The following ADAM32 variants were observed in gnomAD, a reference collection of about 807,000 sequenced individuals.
ADAM32 encodes the protein disintegrin and metalloproteinase domain-containing protein 32.
Under a neutral mutation model 114.9 loss-of-function variants are expected in ADAM32, and 89 were observed. The observed-to-expected ratio is 0.77, with a 90% CI of 0.65 to 0.92. ADAM32 has a LOEUF of 0.92. Among genes scored for constraint, ADAM32 ranks in the 40% least tolerant of loss-of-function variants. The pLI is 0.00. For missense variants in ADAM32, 870 were observed against 932.8 expected (o/e 0.93, Z 0.88); for synonymous variants, 285 against 307.5 (o/e 0.93, Z 0.77).
Position 39,140,553 on chromosome 8 carries a change from G to A in ADAM32, c.200+3835G>A, listed in dbSNP as rs187608911. On this transcript the variant is annotated intron_variant, in intron 3 of 24. Transcript: ENST00000379907. ...TTTGATGTGCTGCTGGATTCAGTTT[G>A]CCAGTATTTTATTGAGGATTTTCGC... is the stretch of plus-strand genomic sequence containing the variant. 7.6e-4 allele frequency among the ~76,000 whole-genome samples: 115 copies of A among 152,288 alleles called. 1 individual carries two copies. Among genetic ancestry groups the A allele is most frequent in the African/African-American group, 2.7e-3 (113 of 41,562 alleles).
rs1448713317 is a variant in ADAM32, at chr8:39,169,558, T to C, written c.834-358T>C. ...TGAACTTTACTACCTGGGAGCAACA[T>C]ATTTTAATCTATACATTGAAACGAT... On this transcript the variant is annotated intron_variant, in intron 9 of 24. Coordinates refer to ENST00000379907, the MANE Select transcript of ADAM32 (RefSeq NM_145004.7). The C allele has an allele frequency of 1.2e-5, 2 of 161,042 alleles. 1 individual carries two copies. The highest frequency in any genetic ancestry group is 2.7e-5 in the Non-Finnish European group (2 of 73,942). 10.0% of individuals were successfully genotyped at this position (161,042 alleles called of 1,614,324 possible).
chr8:39,236,594 C>T (rs114634444), intron 16 of ADAM32, among the ~76,000 whole-genome samples: 1 of 152,084 alleles, frequency 6.6e-6, no homozygotes, highest in African/African-American at 2.4e-5. Context: ...CCCCACAAAA[C>T]CTGTACCACT....
intron 10 of ADAM32, among the ~76,000 whole-genome samples, 174 bp downstream of exon 10, chr8:39,170,171 CTT>C (rs1805104269): frequency 6.6e-6 from 1 of 151,942 alleles, no homozygotes; most frequent in African/African-American, 2.4e-5. Flanking sequence ...AGATCAATAT[CTT>C]GTTGCAATTA....
intron 11 of ADAM32, among the ~76,000 whole-genome samples, chr8:39,188,602 T>G (rs1806403898): frequency 6.6e-6 from 1 of 152,154 alleles, no homozygotes; most frequent in Admixed American, 6.5e-5. Flanking sequence ...ATATATTAAC[T>G]TACTTGATTC....
rs1270452282 is a variant in ADAM32 at position 39,263,891 on chromosome 8, A to G, written c.2162+6548A>G. Among the ~76,000 whole-genome samples, 6 of 152,208 alleles carry G rather than the reference A, an allele frequency of 3.9e-5. No homozygotes were observed. The East Asian group carries it at 9.6e-4, about 24-fold the overall frequency. Reference sequence around the variant, plus strand: ...CAATAGTTTGCTCTCTTTTAAATCTATTGTTTTATTGATATATAGTTGATA... The same window carrying G: ...CAATAGTTTGCTCTCTTTTAAATCTGTTGTTTTATTGATATATAGTTGATA... On this transcript the variant is annotated intron_variant, in intron 19 of 24. Coordinates refer to ENST00000379907, the MANE Select transcript of ADAM32 (RefSeq NM_145004.7).
intron 14 of ADAM32, among the ~76,000 whole-genome samples, chr8:39,224,713 A>G (rs182464009): frequency 6.6e-6 from 1 of 152,038 alleles, no homozygotes; most frequent in Non-Finnish European, 1.5e-5. Flanking sequence ...GCTTTTCACT[A>G]TGTTGATTTT....
chr8:39,108,004 C>G, intron 1 of ADAM32, 171 bp downstream of exon 1: 1 of 881,824 alleles, frequency 1.1e-6, no homozygotes, highest in Non-Finnish European at 1.6e-6. Flanking sequence ...CGACTCAGGG[C>G]CCAGCACCAG....
rs560832430 is a variant in ADAM32 at position 39,126,604 on chromosome 8, G to A, written c.138+8439G>A. 3.3e-5 allele frequency among the ~76,000 whole-genome samples: 5 copies of A among 152,172 alleles called. 1 individual carries two copies. Among genetic ancestry groups the A allele is most frequent in the African/African-American group, 1.2e-4 (5 of 41,530 alleles). ...GAGAGGATGGGGTTTTCTAGATATA[G>A]GATCATGTCATCTTAAGGACAGTTT... is the stretch of plus-strand genomic sequence containing the variant. On this transcript the variant is annotated intron_variant, in intron 2 of 24. Transcript: ENST00000379907.
chr8:39,224,371 A>T (rs1163728074), intron 14 of ADAM32, among the ~76,000 whole-genome samples: 3 of 152,206 alleles, frequency 2.0e-5, no homozygotes, highest in African/African-American at 7.2e-5. Context: ...TAGCAGCTGT[A>T]CCAACTTATA....
At chr8:39,217,067 C>T (rs1808618866) in intron 12 of ADAM32, among the ~76,000 whole-genome samples, 2 of 150,618 alleles carry the variant, frequency 1.3e-5, no homozygotes. Context: ...GCTTTTGTTT[C>T]TCTGGGAAAG....
chr8:39,252,870 T>C (rs1055859576), intron 17 of ADAM32, among the ~76,000 whole-genome samples: 1 of 151,538 alleles, frequency 6.6e-6, no homozygotes, highest in African/African-American at 2.4e-5. Flanking sequence ...CAAGAATAAA[T>C]AGCCTGAACA....
chr8:39,226,752 C>T (rs1809397702), intron 14 of ADAM32, among the ~76,000 whole-genome samples: 1 of 152,104 alleles, frequency 6.6e-6, no homozygotes, highest in Non-Finnish European at 1.5e-5. Flanking sequence ...CTCAATCTAT[C>T]TTACAACAAA....
At chr8:39,204,302 C>G (rs1382043866) in intron 11 of ADAM32, among the ~76,000 whole-genome samples, 1 of 152,190 alleles carries the variant, frequency 6.6e-6, no homozygotes, top group Admixed American at 6.5e-5. Context: ...TTCACATAGT[C>G]CCATATTTCT....
chr8:39,121,733 G>A (rs1406984129), intron 2 of ADAM32, among the ~76,000 whole-genome samples: 1 of 152,110 alleles, frequency 6.6e-6, no homozygotes, highest in African/African-American at 2.4e-5. Context: ...CTTGGTTTCA[G>A]TAGTCTAGGA....
intron 2 of ADAM32, 94 bp downstream of exon 2, chr8:39,118,259 A>T (rs1229890163): frequency 1.4e-6 from 1 of 693,944 alleles, no homozygotes; most frequent in Non-Finnish European, 2.1e-6. Flanking sequence ...TTTAATATGA[A>T]TATAATGTCT....
chr8:39,180,426 C>A (rs991030757), intron 10 of ADAM32, among the ~76,000 whole-genome samples: 6 of 152,224 alleles, frequency 3.9e-5, no homozygotes, highest in African/African-American at 1.2e-4. Context: ...TCTGTGGGCT[C>A]CTTTGCGGCC....
rs1045925060 is a variant in ADAM32 at position 39,159,480 on chromosome 8, A to G, written c.526-1417A>G. ...TCAAGTCTATTCTGAGCAAGTGTCC[A>G]GCCTTGGACATGTGGGTGGCCCTCT... On this transcript the variant is annotated intron_variant, in intron 6 of 24. Coordinates refer to ENST00000379907, the MANE Select transcript of ADAM32 (RefSeq NM_145004.7). Among the ~76,000 whole-genome samples the G allele has an allele frequency of 2.6e-5, 4 of 152,340 alleles. No homozygotes were observed. The East Asian group carries it at 5.8e-4, about 22-fold the overall frequency.
At chr8:39,132,819 C>T (rs1250071616) in intron 2 of ADAM32, among the ~76,000 whole-genome samples, 1 of 151,826 alleles carries the variant, frequency 6.6e-6, no homozygotes, top group African/African-American at 2.4e-5. Flanking sequence ...TTCAAATGAA[C>T]AATCTGCCAC....
At chr8:39,253,093 C>T (rs1811407740) in intron 17 of ADAM32, among the ~76,000 whole-genome samples, 1 of 151,494 alleles carries the variant, frequency 6.6e-6, no homozygotes, top group Non-Finnish European at 1.5e-5. Flanking sequence ...TTAAAAGAAT[C>T]ATACACTATG....
Sources: gnomAD v4.1 joint callset for allele counts (sites outside exome capture counted in the v4.1 genomes callset) on GRCh38, gnomAD v4.1.1 for gene constraint, MANE v1.5 for transcripts, NCBI Gene and HGNC (gene_info 2026-07-23, HGNC 2026-07-21) for gene names.